The following HIPK3 variants were observed in gnomAD, a reference collection of about 807,000 sequenced individuals.
The protein encoded by HIPK3 is homeodomain interacting protein kinase 3.
In HIPK3, 47 loss-of-function variants were observed where a neutral mutation model predicts 124.2. The observed-to-expected ratio is 0.38, with a 90% CI of 0.30 to 0.48. The LOEUF (loss-of-function observed/expected upper bound fraction) is 0.48. Among genes scored for constraint, HIPK3 ranks in the 20% least tolerant of loss-of-function variants. The pLI is 0.98. For synonymous variants in HIPK3, 482 were observed against 515.2 expected, an observed-to-expected ratio of 0.94 and a Z score of 0.87; for missense variants, 1,286 against 1,454.3, an observed-to-expected ratio of 0.88 and a Z score of 1.88.
intron 2 of HIPK3, among the ~76,000 whole-genome samples, chr11:33,309,303 C>T (rs747733299): frequency 3.3e-5 from 5 of 152,234 alleles, no homozygotes; most frequent in Non-Finnish European, 5.9e-5. Context: ...TTGTTAGAGA[C>T]GGGATCTTGC....
chr11:33,298,279 C>G (rs1200394139), intron 2 of HIPK3, among the ~76,000 whole-genome samples: 13 of 152,194 alleles, frequency 8.5e-5, no homozygotes. Context: ...GCATGGTTTA[C>G]TGAATATTTT....
At chr11:33,334,276 G>A (rs943578739) in intron 3 of HIPK3, among the ~76,000 whole-genome samples, 5 of 152,104 alleles carry the variant, frequency 3.3e-5, no homozygotes, top group African/African-American at 4.8e-5. Flanking sequence ...GCTTGGCATC[G>A]TCAGGGATGG....
In HIPK3 at chr11:33,337,057, C is replaced by T. The variant is rs1183780747; in HGVS notation, c.1222-18C>T. 3 of 1,575,856 alleles carry T rather than the reference C, an allele frequency of 1.9e-6. No homozygotes were observed. The highest frequency in any genetic ancestry group is 2.6e-6 in the Non-Finnish European group (3 of 1,154,148). On this transcript the variant is annotated intron_variant, in intron 3 of 16. Transcript: ENST00000303296. The stretch of plus-strand genomic sequence containing the variant: ...ACATGAAAGAATAAACTATTCTGTT[C>T]TGTAAATTATTTTTCAGATTCGATA...
At chr11:33,276,142 A>AT (rs1372484286) in intron 1 of HIPK3, among the ~76,000 whole-genome samples, 1 of 152,104 alleles carries the variant, frequency 6.6e-6, no homozygotes, top group Non-Finnish European at 1.5e-5. Context: ...ATTTTACTGC[A>AT]TTTGCTTTTA....
chr11:33,295,277 G>GCCCC (rs34093915), intron 2 of HIPK3, among the ~76,000 whole-genome samples: 177 of 106,638 alleles, frequency 1.7e-3, no homozygotes, highest in South Asian at 2.7e-3. Context: ...AGCCACCACC[G>GCCCC]CCCCCCCCCC....
In HIPK3 at chr11:33,302,339, C is replaced by CTTTTTT. The variant is rs374964013; in HGVS notation, c.1097+14830_1097+14831insTTTTTT. Among the ~76,000 whole-genome samples, 89 of 121,178 alleles carry CTTTTTT rather than the reference C, an allele frequency of 7.3e-4. 7 individuals are homozygous for CTTTTTT. Among genetic ancestry groups the CTTTTTT allele is most frequent in the South Asian group, 1.3e-3 (5 of 3,816 alleles). The allele number at this position is 121,178 out of a possible 152,430, so 79.5% of individuals were successfully genotyped here. A position where few individuals can be genotyped will look rare whatever the true frequency, so the allele number is the denominator to read the frequency against. On this transcript the variant is annotated intron_variant, in intron 2 of 16. Transcript: ENST00000303296. ...TGAACTTCTCTATGATAATTCCTTA[C>CTTTTTT]TTCTTTTTTTTTTTTTTGAGAAGGA...
intron 2 of HIPK3, among the ~76,000 whole-genome samples, chr11:33,289,237 TA>T (rs1184409453): frequency 2.0e-5 from 3 of 151,916 alleles, no homozygotes; most frequent in Non-Finnish European, 4.4e-5. Context: ...GCCACGAGTT[TA>T]AGATCAGCCT....
chr11:33,339,441 T>G lies in HIPK3; in HGVS notation c.1520T>G (p.Leu507Arg). ...GTTAGTCTGTTGAAGAAAATGTTGC[T>G]GATTGATGCAGATTTAAGAATTACT... ...EFVSLLKKML[L>R]IDADLRITPA... is the part of the protein sequence containing the mutation. The change falls in exon 6 of 17, where the codon CTG becomes CGG. Residue 507 changes from leucine to arginine, a missense_variant. By Grantham distance (102) the Leu-to-Arg change is moderately radical. This residue lies in a region of HIPK3 where 810 missense variants were observed against 864.9 expected (regional missense o/e 0.94). Transcript: ENST00000303296. 6.2e-7 allele frequency: 1 copy of G among 1,613,390 alleles called. No homozygotes were observed.
intron 2 of HIPK3, among the ~76,000 whole-genome samples, chr11:33,319,166 G>C (rs939146644): frequency 1.3e-5 from 2 of 152,086 alleles, no homozygotes; most frequent in African/African-American, 2.4e-5. Context: ...CCACATTTTT[G>C]GTCTTGGGTA....
chr11:33,259,590 G>A (rs1850770288), intron 1 of HIPK3, among the ~76,000 whole-genome samples: 2 of 152,122 alleles, frequency 1.3e-5, no homozygotes, highest in African/African-American at 4.8e-5. Context: ...ATTTCTTGGT[G>A]TATTTATGGC....
At chr11:33,256,766 A>C (rs1850675971), upstream of HIPK3, 2 of 955,406 alleles carry the variant, frequency 2.1e-6, no homozygotes, top group Non-Finnish European at 2.5e-6. Context: ...GGCGAACTTC[A>C]CAATTATGGG....
chr11:33,347,212 A>G, intron 8 of HIPK3, 81 bp from the exon 9 acceptor site: 23 of 1,368,322 alleles, frequency 1.7e-5, no homozygotes, highest in Non-Finnish European at 2.1e-5. Context: ...AATCTAAGCA[A>G]TTCTTGACAT....
Position 33,287,004 on chromosome 11 carries a change from A to C in HIPK3, c.590A>C (p.Tyr197Ser). 6.2e-7 allele frequency: 1 copy of C among 1,614,180 alleles called. No homozygotes were observed. The highest frequency in any genetic ancestry group is 8.5e-7 in the Non-Finnish European group (1 of 1,180,010). Residue 197 changes from tyrosine to serine, a missense_variant, in exon 2 of 17, where the codon TAC becomes TCC. By Grantham distance (144) the Tyr-to-Ser change is moderately radical. Coordinates refer to ENST00000303296, the MANE Select transcript of HIPK3 (RefSeq NM_005734.5). The part of the protein sequence containing the change: ...HEVLCSMKNT[Y>S]EVLDFLGRGT... ...GTCTTATGCTCCATGAAAAATACTT[A>C]CGAAGTCCTTGATTTTCTTGGTCGA...
At chr11:33,350,931 C>T (rs542993039) in intron 14 of HIPK3, among the ~76,000 whole-genome samples, 2 of 148,736 alleles carry the variant, frequency 1.3e-5, no homozygotes, top group South Asian at 4.2e-4. Context: ...TATATATAAA[C>T]AAATATACGT....
chr11:33,274,677 C>G (rs1329269632), intron 1 of HIPK3, among the ~76,000 whole-genome samples: 3 of 152,110 alleles, frequency 2.0e-5, no homozygotes, highest in African/African-American at 7.2e-5. Flanking sequence ...TTTTAAAAAT[C>G]TAGAGAATTA....
At position 33,353,133 on chromosome 11, in the gene HIPK3, CTT is replaced by C. The variant is rs1195715383; in HGVS notation, c.3215_3216del (p.Phe1072TrpfsTer12). 6.2e-7 allele frequency: 1 copy of C among 1,612,744 alleles called. No homozygotes were observed. Among genetic ancestry groups the C allele is most frequent in the Non-Finnish European group, 8.5e-7 (1 of 1,179,634 alleles). The stretch of plus-strand genomic sequence containing the variant: ...CTGGGCATCAAGAGTGGAATGGAAA[CTT>C]TGGGCACAGAAGACAGCAAGCTTAT... ...GSGHQEWNGN[F>X]GHRRQQAYIP... On this transcript the variant is annotated frameshift_variant, in exon 17 of 17. Coordinates refer to ENST00000303296, the MANE Select transcript of HIPK3 (RefSeq NM_005734.5). LOFTEE classifies it high-confidence loss of function.
chr11:33,343,317 G>A (rs1853397573), intron 8 of HIPK3, among the ~76,000 whole-genome samples: 1 of 150,262 alleles, frequency 6.7e-6, no homozygotes, highest in Non-Finnish European at 1.5e-5. Flanking sequence ...GTCTTGCTCT[G>A]TTGCCCAGGC....
intron 1 of HIPK3, among the ~76,000 whole-genome samples, chr11:33,279,658 A>T (rs565117549): frequency 2.0e-5 from 3 of 152,188 alleles, no homozygotes; most frequent in Non-Finnish European, 4.4e-5. Context: ...TTGTTAGAGG[A>T]TTGGAAAAAT....
chr11:33,332,184 C>T (rs1327054107), intron 3 of HIPK3, among the ~76,000 whole-genome samples: 2 of 152,142 alleles, frequency 1.3e-5, no homozygotes, highest in Non-Finnish European at 2.9e-5. Flanking sequence ...AAAACCTTTC[C>T]AATGCCATTT....
Sources: allele counts gnomAD v4.1 joint callset (sites outside exome capture counted in the v4.1 genomes callset), GRCh38; gene constraint gnomAD v4.1.1; regional missense constraint gnomAD v4.1.1; transcripts MANE v1.5; gene names NCBI Gene and HGNC (gene_info 2026-07-23, HGNC 2026-07-21).